The following LILRB1 variants were observed in gnomAD, a reference collection of about 807,000 sequenced individuals.
LILRB1 encodes leukocyte immunoglobulin like receptor B1.
LILRB1 carries 59 observed loss-of-function variants against 74.6 expected under a neutral mutation model. The observed-to-expected ratio is 0.79, with a 90% CI of 0.64 to 0.98. The LOEUF is 0.98. Ranked by LOEUF, LILRB1 falls within the 50% of genes least tolerant of loss-of-function variation. The probability of loss-of-function intolerance (pLI) is 0.00; values close to 1 mark genes in which losing one functional copy is unlikely to be tolerated. For missense variants in LILRB1, 804 were observed against 822.6 expected (o/e 0.98, Z 0.28); for synonymous variants, 328 against 333.9 (o/e 0.98, Z 0.19).
chr19:54,625,555 T>A (rs116885313), upstream of LILRB1, among the ~76,000 whole-genome samples: 4,545 of 152,200 alleles, frequency 0.03, 86 homozygotes, highest in Non-Finnish European at 0.043. Flanking sequence ...GGGGTGTGGA[T>A]CCCAGGGGCC....
chr19:54,623,665 C>T (rs1184070518), intron 1 of LILRB1, among the ~76,000 whole-genome samples: 1 of 152,062 alleles, frequency 6.6e-6, no homozygotes, highest in African/African-American at 2.4e-5. Context: ...TTTATCTGTC[C>T]TTTCAGAGTT....
chr19:54,634,375 G>C (rs955866600), intron 9 of LILRB1: 1 of 1,538,910 alleles, frequency 6.5e-7, no homozygotes. Flanking sequence ...TCCGGGGCTC[G>C]GCTCTGGTGC....
chr19:54,635,809 T>C (rs2064353213), intron 13 of LILRB1, 200 bp downstream of exon 13: 1 of 727,824 alleles, frequency 1.4e-6, no homozygotes, highest in Admixed American at 2.0e-5. Context: ...CCGGGTCCCC[T>C]TCCTGCTCCT....
intron 1 of LILRB1, among the ~76,000 whole-genome samples, chr19:54,622,938 G>A (rs1301464542): frequency 2.0e-5 from 3 of 152,100 alleles, no homozygotes; most frequent in Non-Finnish European, 2.9e-5. Flanking sequence ...TATGCTTTTT[G>A]TTCTTAGTTT....
At chr19:54,633,902 G>C (rs2064145701) in intron 8 of LILRB1, 69 bp from the exon 9 acceptor site, 1 of 1,542,392 alleles carries the variant, frequency 6.5e-7, no homozygotes, top group African/African-American at 1.4e-5. Context: ...GCCCAGCCTG[G>C]GGGAGGAGCA....
At position 54,631,595 on chromosome 19, in the gene LILRB1, C is replaced by G. The variant is rs1228963223; in HGVS notation, c.166C>G (p.Gln56Glu). The G allele has an allele frequency of 3.7e-6, 6 of 1,614,256 alleles. No homozygotes were observed. Among genetic ancestry groups the G allele is most frequent in the Non-Finnish European group, 5.1e-6 (6 of 1,180,036 alleles). The change falls in exon 4 of 15, where the codon CAG becomes GAG. Residue 56 changes from glutamine (Q) to glutamate (E), a missense_variant. Physicochemically the swap from Gln to Glu is conservative, Grantham distance 29. Transcript: ENST00000324602. ...TLRCQGGQET[Q>E]EYRLYREKKT... ...CAGGTGTCAGGGGGGCCAGGAGACC[C>G]AGGAGTACCGTCTATATAGAGAAAA...
At chr19:54,624,125 G>A (rs978000726) in intron 1 of LILRB1, among the ~76,000 whole-genome samples, 2 of 152,160 alleles carry the variant, frequency 1.3e-5, no homozygotes, top group African/African-American at 4.8e-5. Flanking sequence ...CCACAGGGGC[G>A]AGGGAACACC....
chr19:54,628,924 C>G (rs1466976144), upstream of LILRB1, among the ~76,000 whole-genome samples: 1 of 152,190 alleles, frequency 6.6e-6, no homozygotes, highest in Non-Finnish European at 1.5e-5. Flanking sequence ...AAGACTGTAA[C>G]AAGGGCTATG....
rs1234163828 is a variant in LILRB1, at chr19:54,636,899, C to T, written c.*21C>T. The T allele has an allele frequency of 6.2e-7, 1 of 1,613,220 alleles. No individual in the cohort carries two copies. The highest frequency in any genetic ancestry group is 1.3e-5 in the African/African-American group (1 of 74,894). ...ACTAGCCCAGGGGGGGACGCAGACC[C>T]CACACTCCATGGAGTCTGGAATGCA... On this transcript the variant is annotated 3_prime_UTR_variant, in exon 15 of 15. Coordinates refer to ENST00000324602, the MANE Select transcript of LILRB1 (RefSeq NM_001081637.3).
chr19:54,636,538 G>A lies in LILRB1; in HGVS notation c.1698G>A (p.Glu566=), dbSNP rs756583496. 20 of 1,611,818 alleles carry A rather than the reference G, an allele frequency of 1.2e-5. No homozygotes were observed. Among genetic ancestry groups the A allele is most frequent in the Non-Finnish European group, 1.6e-5 (19 of 1,179,798 alleles). Reference sequence around the variant, plus strand: ...ACCCCCAGGCAGTGACGTATGCCGAGGTGAAACACTCCAGACCTAGGAGAG... The same window carrying A: ...ACCCCCAGGCAGTGACGTATGCCGAAGTGAAACACTCCAGACCTAGGAGAG... ...DEDPQAVTYA[E]VKHSRPRREM... The change falls in exon 14 of 15, where the codon GAG becomes GAA. Residue 566 remains glutamate (E), a synonymous_variant. Coordinates refer to ENST00000324602, the MANE Select transcript of LILRB1 (RefSeq NM_001081637.3).
intron 9 of LILRB1, 189 bp from the exon 10 acceptor site, chr19:54,634,452 C>T (rs1295878024): frequency 1.2e-5 from 18 of 1,516,820 alleles, no homozygotes; most frequent in Non-Finnish European, 1.6e-5. Flanking sequence ...TGGCTGGGGG[C>T]CCCGGGCAGG....
chr19:54,631,231 G>C (rs780587019), intron 2 of LILRB1, 40 bp from the exon 3 acceptor site: 4 of 1,613,864 alleles, frequency 2.5e-6, no homozygotes, highest in Non-Finnish European at 3.4e-6. Flanking sequence ...ACCTGCCCAG[G>C]CTTCAGGGGG....
At chr19:54,635,217 G>C (rs545942052) in intron 11 of LILRB1, 38 bp downstream of exon 11, 2 of 1,609,970 alleles carry the variant, frequency 1.2e-6, no homozygotes, top group East Asian at 2.2e-5. Flanking sequence ...CCACCTGCTC[G>C]TGGCCCATAC....
intron 1 of LILRB1, among the ~76,000 whole-genome samples, chr19:54,621,628 A>G (rs2063460466): frequency 6.6e-6 from 1 of 151,032 alleles, no homozygotes; most frequent in Non-Finnish European, 1.5e-5. Context: ...ATTTTCTTCC[A>G]TTGTGTAGGT....
chr19:54,633,165 A>T lies in LILRB1; in HGVS notation c.1108A>T (p.Arg370Ter). 6 of 1,614,224 alleles carry T rather than the reference A, an allele frequency of 3.7e-6. No homozygotes were observed. Among genetic ancestry groups the T allele is most frequent in the Non-Finnish European group, 5.1e-6 (6 of 1,180,016 alleles). Residue 370 changes from arginine (R) to a stop codon, truncating the protein, a stop_gained, in exon 7 of 15, where the codon AGA becomes TGA. Coordinates refer to ENST00000324602, the MANE Select transcript of LILRB1 (RefSeq NM_001081637.3). LOFTEE classifies it high-confidence loss of function. ...GGCAGCTGATGACCCATGGCGTCTA[A>T]GATCAACGTACCAATCTCAAAAATA... Reference protein sequence around the residue: ...EGAADDPWRLRSTYQSQKYQA... With the variant: ...EGAADDPWRL
rs369237131 is a variant in LILRB1, at chr19:54,631,071, G to T, written c.-3G>T. 3 of 1,614,050 alleles carry T rather than the reference G, an allele frequency of 1.9e-6. No homozygotes were observed. Among genetic ancestry groups the T allele is most frequent in the Admixed American group, 3.3e-5 (2 of 60,002 alleles). On this transcript the variant is annotated 5_prime_UTR_variant, in exon 2 of 15. Coordinates refer to ENST00000324602, the MANE Select transcript of LILRB1 (RefSeq NM_001081637.3). The stretch of plus-strand genomic sequence containing the variant: ...ACAGAGCAGGGCAGTGGGAGGAGAC[G>T]CCATGACCCCCATCCTCACGGTCCT...
intron 1 of LILRB1, among the ~76,000 whole-genome samples, chr19:54,621,592 T>A (rs2063459472): frequency 6.6e-6 from 1 of 152,054 alleles, no homozygotes; most frequent in Non-Finnish European, 1.5e-5. Flanking sequence ...GACATTAGTC[T>A]TTTGTTGGAG....
At chr19:54,619,940 T>G (rs1401884012) in intron 1 of LILRB1, among the ~76,000 whole-genome samples, 1 of 129,344 alleles carries the variant, frequency 7.7e-6, no homozygotes, top group East Asian at 2.3e-4. Context: ...TAGAGCTATG[T>G]TATGTTAAAC....
chr19:54,624,013 A>G (rs563738562), intron 1 of LILRB1, among the ~76,000 whole-genome samples: 1 of 152,286 alleles, frequency 6.6e-6, no homozygotes, highest in African/African-American at 2.4e-5. Context: ...CCCTCGGCAC[A>G]AGCAGGTGGA....
Sources: gnomAD v4.1 joint callset for allele counts (sites outside exome capture counted in the v4.1 genomes callset) on GRCh38, gnomAD v4.1.1 for gene constraint, MANE v1.5 for transcripts, NCBI Gene and HGNC (gene_info 2026-07-23, HGNC 2026-07-21) for gene names.